Variants in SEL1L2 observed in about 807,000 individuals in gnomAD.
The protein encoded by SEL1L2 is SEL1L2 adaptor subunit of SYVN1 ubiquitin ligase.
SEL1L2 carries 89 observed loss-of-function variants against 98.8 expected under a neutral mutation model. That is an observed-to-expected ratio of 0.90 (90% CI 0.76 to 1.07). The LOEUF (loss-of-function observed/expected upper bound fraction) is 1.07, where lower values mean the gene tolerates loss of function less well. Among genes scored for constraint, SEL1L2 ranks in the 50% least tolerant of loss-of-function variants. SEL1L2 has a pLI of 0.00. For missense variants in SEL1L2, 788 were observed against 812.0 expected (o/e 0.97, Z 0.36); for synonymous variants, 262 against 278.5 (o/e 0.94, Z 0.59).
intron 8 of SEL1L2, 117 bp downstream of exon 8, chr20:13,887,652 T>G (rs1331152699): frequency 3.0e-6 from 2 of 677,914 alleles, no homozygotes; most frequent in Admixed American, 5.6e-5. Flanking sequence ...TTATAACATA[T>G]TAAAAACGTA....
intron 1 of SEL1L2, 98 bp from the exon 2 acceptor site, chr20:13,956,229 T>C: frequency 1.6e-6 from 1 of 626,884 alleles, no homozygotes; most frequent in Non-Finnish European, 2.7e-6. Context: ...TAGAAAACTT[T>C]TAGAACTCTA....
chr20:13,882,812 CTTTTTTTT>C (rs759286946), intron 10 of SEL1L2, among the ~76,000 whole-genome samples: 17 of 107,246 alleles, frequency 1.6e-4, no homozygotes, highest in African/African-American at 4.9e-4. Flanking sequence ...GTCAATTTGT[CTTTTTTTT>C]TTTTTTTTTT....
chr20:13,978,909 A>C (rs2051676842), intron 1 of SEL1L2, among the ~76,000 whole-genome samples: 1 of 152,068 alleles, frequency 6.6e-6, no homozygotes, highest in Non-Finnish European at 1.5e-5. Context: ...GAATACAAAA[A>C]TTAGCCAGGC....
In SEL1L2 at chr20:13,907,491, C is replaced by T. The variant is rs141674165; in HGVS notation, c.549+6291G>A. ...GGCTGAGGTGGGAGGATTGTTTAAG[C>T]CCAGGAAGTTGAGGGTACAGTGAGA... On this transcript the variant is annotated intron_variant, in intron 5 of 19. Coordinates refer to ENST00000284951, the MANE Select transcript of SEL1L2 (RefSeq NM_025229.2). Among the ~76,000 whole-genome samples, 249 of 152,166 alleles carry T rather than the reference C, an allele frequency of 1.6e-3. 2 individuals carry two copies. The highest frequency in any genetic ancestry group is 3.0e-3 in the Non-Finnish European group (202 of 67,992).
intron 1 of SEL1L2, among the ~76,000 whole-genome samples, chr20:13,980,335 G>A (rs565039562): frequency 1.3e-4 from 20 of 152,080 alleles, no homozygotes; most frequent in Non-Finnish European, 1.8e-4. Context: ...CCTGCCTCAG[G>A]CTCCCAAGTA....
At chr20:13,890,594 TAAC>T (rs906348427) in intron 5 of SEL1L2, among the ~76,000 whole-genome samples, 3 of 151,348 alleles carry the variant, frequency 2.0e-5, no homozygotes, top group South Asian at 2.1e-4. Context: ...AGCAAAATAA[TAAC>T]AACAACAACA....
chr20:13,882,213 T>C (rs2147951028), intron 10 of SEL1L2, among the ~76,000 whole-genome samples: 1 of 152,296 alleles, frequency 6.6e-6, no homozygotes, highest in South Asian at 2.1e-4. Context: ...AGTAATAGCC[T>C]TTTGGAAACT....
intron 10 of SEL1L2, among the ~76,000 whole-genome samples, chr20:13,882,812 C>CTCT (rs1568889587): frequency 6.5e-5 from 7 of 107,244 alleles, no homozygotes; most frequent in Non-Finnish European, 7.3e-5. Flanking sequence ...GTCAATTTGT[C>CTCT]TTTTTTTTTT....
rs561865641 is a variant in SEL1L2 at position 13,981,064 on chromosome 20, G to A, written c.58+9413C>T. Among the ~76,000 whole-genome samples, 32 of 152,298 alleles carry A rather than the reference G, an allele frequency of 2.1e-4. 1 individual carries two copies. Among genetic ancestry groups the A allele is most frequent in the Admixed American group, 1.8e-3 (28 of 15,304 alleles). On this transcript the variant is annotated intron_variant, in intron 1 of 19. Coordinates refer to ENST00000284951, the MANE Select transcript of SEL1L2 (RefSeq NM_025229.2). ...TTGAGAGCAGCCTTGCCAACATGGTGAAACCCCGTCTCTACTAAAAATACA... is the reference window on the plus strand; with the variant it reads ...TTGAGAGCAGCCTTGCCAACATGGTAAAACCCCGTCTCTACTAAAAATACA...
At chr20:13,983,897 G>T (rs995359549) in intron 1 of SEL1L2, among the ~76,000 whole-genome samples, 1 of 151,940 alleles carries the variant, frequency 6.6e-6, no homozygotes, top group South Asian at 2.1e-4. Context: ...CACAATTAAT[G>T]AACGATCTAT....
intron 5 of SEL1L2, among the ~76,000 whole-genome samples, chr20:13,893,273 T>C (rs2047281260): frequency 6.6e-6 from 1 of 152,152 alleles, no homozygotes; most frequent in Non-Finnish European, 1.5e-5. Flanking sequence ...TGCAGATTGC[T>C]TTTAGAAAAT....
intron 5 of SEL1L2, among the ~76,000 whole-genome samples, chr20:13,890,763 G>T (rs145268807): frequency 6.6e-6 from 1 of 151,958 alleles, no homozygotes; most frequent in African/African-American, 2.4e-5. Context: ...AGAGAATAAA[G>T]AAAACAAAAT....
At chr20:13,959,702 A>C (rs2050696041) in intron 1 of SEL1L2, among the ~76,000 whole-genome samples, 1 of 152,210 alleles carries the variant, frequency 6.6e-6, no homozygotes, top group Admixed American at 6.5e-5. Context: ...GCTTTCCAAG[A>C]GTTTGTCGAA....
At chr20:13,912,333 T>C (rs1330427396) in intron 5 of SEL1L2, among the ~76,000 whole-genome samples, 1 of 148,988 alleles carries the variant, frequency 6.7e-6, no homozygotes, top group East Asian at 2.0e-4. Flanking sequence ...AGTCTTGCTC[T>C]GTCGCCCACG....
intron 9 of SEL1L2, 30 bp downstream of exon 9, chr20:13,886,258 T>C (rs1017327482): frequency 7.8e-6 from 12 of 1,545,400 alleles, no homozygotes; most frequent in Non-Finnish European, 1.1e-5. Context: ...TTTCATGTTC[T>C]AAAAACTCAA....
At chr20:13,967,570 C>T (rs969435799) in intron 1 of SEL1L2, among the ~76,000 whole-genome samples, 1 of 152,198 alleles carries the variant, frequency 6.6e-6, no homozygotes, top group Non-Finnish European at 1.5e-5. Flanking sequence ...CCTTTCCCTA[C>T]TTGCAAGGGG....
chr20:13,886,203 T>G, intron 9 of SEL1L2, 85 bp downstream of exon 9: 1 of 950,398 alleles, frequency 1.1e-6, no homozygotes, highest in Non-Finnish European at 1.5e-6. Context: ...GGATGGGGCA[T>G]TGTTCATCCC....
chr20:13,907,739 TTTCTTTC>T (rs1180254772), intron 5 of SEL1L2, among the ~76,000 whole-genome samples: 8 of 100,994 alleles, frequency 7.9e-5, no homozygotes, highest in African/African-American at 1.7e-4. Context: ...TCTTTCTTTC[TTTCTTTC>T]TTTTCTTTTC....
Position 13,859,297 on chromosome 20 carries a change from C to G in SEL1L2, c.1783G>C (p.Ala595Pro). The G allele has an allele frequency of 6.2e-7, 1 of 1,614,148 alleles. No homozygotes were observed. The highest frequency in any genetic ancestry group is 8.5e-7 in the Non-Finnish European group (1 of 1,180,022). Residue 595 changes from alanine (A) to proline (P), a missense_variant, in exon 18 of 20, where the codon GCT (alanine) becomes CCT (proline). By Grantham distance (27) the Ala-to-Pro change is conservative (BLOSUM62 -1). Transcript: ENST00000284951. ...YHNAQAMFNL[A>P]YMYEHGLGIT... ...CCTAAGCCGTGTTCATACATATAAG[C>G]CAGATTGAACATGGCTTGCGCGTTG...
Sources: gnomAD v4.1 joint callset for allele counts (sites outside exome capture counted in the v4.1 genomes callset) on GRCh38, gnomAD v4.1.1 for gene constraint, MANE v1.5 for transcripts, NCBI Gene and HGNC (gene_info 2026-07-23, HGNC 2026-07-21) for gene names.